NDUFAF2: variants seen among roughly 807,000 people sequenced by gnomAD.
NDUFAF2 encodes NADH:ubiquinone oxidoreductase complex assembly factor 2.
Under a neutral mutation model 22.8 loss-of-function variants are expected in NDUFAF2, and 13 were observed. That is an observed-to-expected ratio of 0.57 (90% confidence interval 0.37 to 0.91). The LOEUF is 0.91. Ranked by LOEUF, NDUFAF2 falls within the 40% of genes least tolerant of loss-of-function variation. The probability of loss-of-function intolerance (pLI) is 0.01; values close to 1 mark genes in which losing one functional copy is unlikely to be tolerated. For synonymous variants in NDUFAF2, 53 were observed against 64.2 expected, an observed-to-expected ratio of 0.83 and a Z score of 0.84; for missense variants, 162 against 195.2, an observed-to-expected ratio of 0.83 and a Z score of 1.01.
At chr5:60,997,503 G>A (rs1580086734) in intron 1 of NDUFAF2, among the ~76,000 whole-genome samples, 1 of 152,130 alleles carries the variant, frequency 6.6e-6, no homozygotes, top group African/African-American at 2.4e-5. Flanking sequence ...TGCTGCTAAC[G>A]ATGGAATTTA....
chr5:61,147,252 G>A (rs1208814688), intron 3 of NDUFAF2, among the ~76,000 whole-genome samples: 6 of 150,716 alleles, frequency 4.0e-5, no homozygotes, highest in Non-Finnish European at 7.4e-5. Context: ...CAAACTTTTG[G>A]AAGCTTTTTT....
chr5:61,146,792 A>G (rs775955223), intron 3 of NDUFAF2, among the ~76,000 whole-genome samples: 3 of 152,158 alleles, frequency 2.0e-5, no homozygotes, highest in African/African-American at 4.8e-5. Flanking sequence ...GTATTGTCCA[A>G]TAGCTCACTG....
At chr5:60,975,069 A>G (rs1475259388) in intron 1 of NDUFAF2, among the ~76,000 whole-genome samples, 2 of 152,164 alleles carry the variant, frequency 1.3e-5, no homozygotes, top group Non-Finnish European at 2.9e-5. Flanking sequence ...TTGGCCTCCC[A>G]AAGTGCTGGG....
intron 3 of NDUFAF2, among the ~76,000 whole-genome samples, chr5:61,136,031 A>G (rs1465126221): frequency 1.3e-5 from 1 of 79,530 alleles, no homozygotes; most frequent in African/African-American, 3.9e-5. Context: ...ATATATATAT[A>G]TATATATATA....
At chr5:61,072,018 C>T (rs949334652) in intron 1 of NDUFAF2, among the ~76,000 whole-genome samples, 2 of 152,198 alleles carry the variant, frequency 1.3e-5, no homozygotes, top group African/African-American at 4.8e-5. Flanking sequence ...CATTCTCATT[C>T]CATTCTTGAC....
intron 2 of NDUFAF2, among the ~76,000 whole-genome samples, chr5:61,084,609 C>T (rs919739132): frequency 1.3e-5 from 2 of 152,158 alleles, no homozygotes; most frequent in Non-Finnish European, 2.9e-5. Context: ...TTTCCCTCAG[C>T]ATAATGTCTT....
intron 1 of NDUFAF2, among the ~76,000 whole-genome samples, chr5:60,985,862 GTT>G (rs1241386319): frequency 2.0e-5 from 3 of 152,180 alleles, no homozygotes; most frequent in Non-Finnish European, 4.4e-5. Flanking sequence ...AATTGTGGTA[GTT>G]ACAATTCAAG....
At chr5:61,140,726 C>A (rs927862208) in intron 3 of NDUFAF2, among the ~76,000 whole-genome samples, 2 of 152,216 alleles carry the variant, frequency 1.3e-5, no homozygotes, top group African/African-American at 4.8e-5. Flanking sequence ...CACTGCATTA[C>A]AAGATTCAGC....
At chr5:61,056,905 AAAAAAAAAAAAAAAATATATATATAT>A (rs1213159574) in intron 1 of NDUFAF2, among the ~76,000 whole-genome samples, 10 of 38,880 alleles carry the variant, frequency 2.6e-4, no homozygotes, top group Admixed American at 4.1e-4. Flanking sequence ...AAAAAAAAAA[AAAAAAAAAAAAAAAATATATATATAT>A]ATATATATAT....
intron 1 of NDUFAF2, among the ~76,000 whole-genome samples, chr5:61,053,589 C>T (rs1048173853): frequency 1.3e-5 from 2 of 152,130 alleles, no homozygotes; most frequent in African/African-American, 4.8e-5. Flanking sequence ...GGGTCATGTA[C>T]CCATCCCTGA....
intron 2 of NDUFAF2, among the ~76,000 whole-genome samples, chr5:61,088,292 C>T (rs1752528435): frequency 6.6e-6 from 1 of 152,002 alleles, no homozygotes; most frequent in Non-Finnish European, 1.5e-5. Flanking sequence ...GCACATATAT[C>T]CCATCACCTT....
At chr5:61,040,272 A>ACG (rs1423085265) in intron 1 of NDUFAF2, among the ~76,000 whole-genome samples, 10 of 119,836 alleles carry the variant, frequency 8.3e-5, no homozygotes, top group African/African-American at 3.9e-4. Context: ...ACACACACAC[A>ACG]CACACACACA....
At chr5:61,134,479 A>G (rs1740878605) in intron 3 of NDUFAF2, among the ~76,000 whole-genome samples, 1 of 152,156 alleles carries the variant, frequency 6.6e-6, no homozygotes, top group Non-Finnish European at 1.5e-5. Flanking sequence ...AGGTCAGGAG[A>G]TCGAGACCAT....
At chr5:61,043,972 C>T (rs1751915786) in intron 1 of NDUFAF2, among the ~76,000 whole-genome samples, 1 of 152,172 alleles carries the variant, frequency 6.6e-6, no homozygotes, top group Admixed American at 6.5e-5. Flanking sequence ...TTCCCACCAA[C>T]AGTGTGCAAG....
chr5:60,955,166 T>C (rs1415724318), intron 1 of NDUFAF2, among the ~76,000 whole-genome samples: 1 of 152,232 alleles, frequency 6.6e-6, no homozygotes, highest in Non-Finnish European at 1.5e-5. Flanking sequence ...AGAAGCTTTT[T>C]CCCTGTTTTC....
chr5:60,986,949 A>G (rs530649720), intron 1 of NDUFAF2, among the ~76,000 whole-genome samples: 47 of 151,768 alleles, frequency 3.1e-4, no homozygotes, highest in African/African-American at 1.0e-3. Flanking sequence ...AAAAAAAAAA[A>G]AAAAAAGAAA....
At chr5:61,040,286 A>ACACACACACGCGCG (rs1491193758) in intron 1 of NDUFAF2, among the ~76,000 whole-genome samples, 61 of 93,086 alleles carry the variant, frequency 6.6e-4, no homozygotes, top group African/African-American at 1.3e-3. Context: ...ACACACACAC[A>ACACACACACGCGCG]CGCGCGCGCG....
intron 1 of NDUFAF2, among the ~76,000 whole-genome samples, chr5:61,031,976 G>A (rs1751733414): frequency 6.6e-6 from 1 of 152,218 alleles, no homozygotes; most frequent in Non-Finnish European, 1.5e-5. Context: ...CTAATGACCA[G>A]TGATGATGAA....
At chr5:61,126,870 A>G (rs1753042504) in intron 3 of NDUFAF2, among the ~76,000 whole-genome samples, 1 of 152,146 alleles carries the variant, frequency 6.6e-6, no homozygotes, top group Non-Finnish European at 1.5e-5. Flanking sequence ...TGAAAAGATC[A>G]ACAAAATTGA....
Sources: allele counts gnomAD v4.1 joint callset (sites outside exome capture counted in the v4.1 genomes callset), GRCh38; gene constraint gnomAD v4.1.1; transcripts MANE v1.5; gene names NCBI Gene and HGNC (gene_info 2026-07-23, HGNC 2026-07-21).